Variants in ASH1L observed in about 807,000 individuals in gnomAD.
ASH1L encodes ASH1 like histone lysine methyltransferase.
In ASH1L, 23 loss-of-function variants were observed where a neutral mutation model predicts 269.0. The observed-to-expected ratio is 0.09, with a 90% confidence interval of 0.06 to 0.12. The LOEUF is 0.12. ASH1L is among the 10% of genes least tolerant of loss of function. The probability of loss-of-function intolerance (pLI) is 1.00; values close to 1 mark genes in which losing one functional copy is unlikely to be tolerated. For synonymous variants in ASH1L, 1,187 were observed against 1,253.5 expected (o/e 0.95, Z 1.12); for missense variants, 2,912 against 3,567.8 (o/e 0.82, Z 4.68).
chr1:155,469,344 G>A (rs575184718), intron 3 of ASH1L, among the ~76,000 whole-genome samples: 3 of 151,856 alleles, frequency 2.0e-5, no homozygotes, highest in Admixed American at 6.6e-5. Context: ...CACCACGTCC[G>A]GCTATTATTT....
At chr1:155,348,832 G>C (rs540762310) in intron 19 of ASH1L, among the ~76,000 whole-genome samples, 1 of 150,726 alleles carries the variant, frequency 6.6e-6, no homozygotes, top group East Asian at 2.0e-4. Flanking sequence ...AGTGAGCTGA[G>C]ATCACGCTAT....
intron 13 of ASH1L, among the ~76,000 whole-genome samples, chr1:155,359,997 A>G (rs1489801790): frequency 6.6e-6 from 1 of 151,900 alleles, no homozygotes; most frequent in African/African-American, 2.4e-5. Flanking sequence ...GGTTGAAGCA[A>G]TTCTCCTGCC....
intron 1 of ASH1L, among the ~76,000 whole-genome samples, chr1:155,551,517 G>A (rs945047384): frequency 8.0e-5 from 12 of 150,320 alleles, no homozygotes; most frequent in African/African-American, 2.0e-4. Flanking sequence ...AAAATTAGCC[G>A]GGCGTAGTGG....
At chr1:155,551,707 C>T (rs894547214) in intron 1 of ASH1L, among the ~76,000 whole-genome samples, 2 of 147,018 alleles carry the variant, frequency 1.4e-5, no homozygotes, top group African/African-American at 5.0e-5. Context: ...TGTTGGCTCA[C>T]ACCTGTAATC....
At chr1:155,535,093 G>A (rs778740873) in intron 1 of ASH1L, among the ~76,000 whole-genome samples, 22 of 152,032 alleles carry the variant, frequency 1.4e-4, no homozygotes, top group Non-Finnish European at 2.5e-4. Context: ...GGAGGCTGAG[G>A]CAGGAGAATC....
In ASH1L at chr1:155,478,294, C is replaced by G; in HGVS notation, c.4576G>C (p.Glu1526Gln). ...TGCTTTTCCTTATGCTTATATCGCT[C>G]TCCAACAGCATCCTTTCCAAATCTA... ...RYRFGKDAVG[E>Q]RYKHKEKHRC... Residue 1526 changes from glutamate to glutamine, a missense_variant, in exon 3 of 28, where the codon GAG becomes CAG. Glu to Gln is a conservative substitution (Grantham distance 29, BLOSUM62 2). Around this residue, in one of 13 missense-constraint regions of ASH1L, gnomAD observed 789 missense variants for 897.6 expected, o/e 0.88. Transcript: ENST00000392403. This position sits in a 1 kb window ranked among gnomAD's most constrained non-coding sequence, Gnocchi z 4.6. The G allele has an allele frequency of 6.2e-7, 1 of 1,614,092 alleles. No homozygotes were observed. Among genetic ancestry groups the G allele is most frequent in the Non-Finnish European group, 8.5e-7 (1 of 1,180,030 alleles).
At position 155,337,684 on chromosome 1, in the gene ASH1L, G is replaced by C; in HGVS notation, c.8871C>G (p.Ile2957Met). 2 of 1,613,902 alleles carry C rather than the reference G, an allele frequency of 1.2e-6. No homozygotes were observed. The highest frequency in any genetic ancestry group is 1.7e-5 in the Admixed American group (1 of 60,010). The part of the protein sequence containing the change: ...GRKLRRRTLF[I>M]PENSFRK Reference sequence around the variant, plus strand: ...GTCACTTTCGAAAGCTGTTTTCTGGGATAAACAAAGTACGCCTTCGCAGTT... The same window carrying C: ...GTCACTTTCGAAAGCTGTTTTCTGGCATAAACAAAGTACGCCTTCGCAGTT... Residue 2957 changes from isoleucine to methionine, a missense_variant, in exon 28 of 28, where the codon ATC becomes ATG. Ile to Met is a conservative substitution (Grantham distance 10). This residue lies in a region of ASH1L where 154 missense variants were observed against 165.0 expected (regional missense o/e 0.93). Coordinates refer to ENST00000392403, the MANE Select transcript of ASH1L (RefSeq NM_018489.3).
At position 155,364,785 on chromosome 1, in the gene ASH1L, C is replaced by CA. The variant is rs545104267; in HGVS notation, c.6687-4377dup. On this transcript the variant is annotated intron_variant, in intron 12 of 27. Coordinates refer to ENST00000392403, the MANE Select transcript of ASH1L (RefSeq NM_018489.3). ...CACAACCCTGTCTCTACAAAAAATA[C>CA]AAAAAAATTAACCAGGCATGGTGGT... Among the ~76,000 whole-genome samples, 4 of 151,754 alleles carry CA rather than the reference C, an allele frequency of 2.6e-5. No homozygotes were observed. In the South Asian group the frequency reaches 6.3e-4, roughly 24 times the overall value.
rs867062679 is a variant in ASH1L at position 155,512,470 on chromosome 1, G to A, written c.420+8630C>T. Among the ~76,000 whole-genome samples the A allele has an allele frequency of 1.5e-4, 3 of 19,898 alleles. No individual in the cohort carries two copies. The East Asian group carries it at 9.9e-3, about 66-fold the overall frequency. The allele number at this position is 19,898 out of a possible 152,430, so 13.1% of individuals were successfully genotyped here. ...AGACTTTTTTTTTTTTTTTTTTTTTGAGATGGAGTCTCACTCTGTGACTCA... is the reference window on the plus strand; with the variant it reads ...AGACTTTTTTTTTTTTTTTTTTTTTAAGATGGAGTCTCACTCTGTGACTCA... On this transcript the variant is annotated intron_variant, in intron 2 of 27. Coordinates refer to ENST00000392403, the MANE Select transcript of ASH1L (RefSeq NM_018489.3).
At chr1:155,502,071 C>CTTTTTT (rs769262562) in intron 2 of ASH1L, among the ~76,000 whole-genome samples, 26 of 126,390 alleles carry the variant, frequency 2.1e-4, no homozygotes, top group African/African-American at 4.1e-4. Context: ...CTTTTCTTTT[C>CTTTTTT]TTTTTTTTTT....
chr1:155,529,033 T>C (rs1345537690), intron 1 of ASH1L, among the ~76,000 whole-genome samples: 2 of 145,970 alleles, frequency 1.4e-5, no homozygotes, highest in Admixed American at 6.7e-5. Flanking sequence ...CATGATCTCA[T>C]TTTTTTTTTG....
chr1:155,349,244 G>C (rs1449833186), intron 19 of ASH1L, 83 bp downstream of exon 19: 3 of 1,474,948 alleles, frequency 2.0e-6, no homozygotes, highest in East Asian at 2.3e-5. Flanking sequence ...ATGGCTGATA[G>C]AGGAGGGTAA....
intron 5 of ASH1L, among the ~76,000 whole-genome samples, chr1:155,423,478 G>A (rs1013426525): frequency 6.6e-6 from 1 of 151,904 alleles, no homozygotes; most frequent in Non-Finnish European, 1.5e-5. Context: ...CTGACGTCGG[G>A]GAATTGCTGG....
intron 16 of ASH1L, among the ~76,000 whole-genome samples, chr1:155,354,255 C>T (rs1203139553): frequency 1.3e-5 from 2 of 152,152 alleles, no homozygotes; most frequent in East Asian, 3.9e-4. Context: ...CCAGCCTGGC[C>T]AACATGGCAA....
At chr1:155,487,184 A>C (rs1044014531) in intron 2 of ASH1L, among the ~76,000 whole-genome samples, 4 of 152,188 alleles carry the variant, frequency 2.6e-5, no homozygotes, top group African/African-American at 4.8e-5. Context: ...ACAAACATAC[A>C]AAAAGCCTCA....
At position 155,343,944 on chromosome 1, in the gene ASH1L, A is replaced by G. The variant is rs142414134; in HGVS notation, c.7982-202T>C. Among the ~76,000 whole-genome samples the G allele has an allele frequency of 2.6e-3, 396 of 152,306 alleles. 4 individuals are homozygous for G. The highest frequency in any genetic ancestry group is 9.3e-3 in the African/African-American group (388 of 41,554). On this transcript the variant is annotated intron_variant, in intron 22 of 27. Transcript: ENST00000392403. The surrounding 1 kb of genome is among the most constrained non-coding windows in gnomAD (Gnocchi z 6.1). Reference sequence around the variant, plus strand: ...TATAAGGGAGGCATTCCATTTCTTGAGCTTCCTATATGTTTTTCCCAGTCT... The same window carrying G: ...TATAAGGGAGGCATTCCATTTCTTGGGCTTCCTATATGTTTTTCCCAGTCT...
chr1:155,438,369 T>G lies in ASH1L; in HGVS notation c.5786A>C (p.Gln1929Pro), dbSNP rs1395890142. The change falls in exon 5 of 28, where the codon CAG (glutamine) becomes CCG (proline). Residue 1929 changes from glutamine to proline, a missense_variant. By Grantham distance (76) the Gln-to-Pro change is moderately conservative. Coordinates refer to ENST00000392403, the MANE Select transcript of ASH1L (RefSeq NM_018489.3). Reference sequence around the variant, plus strand: ...CTCTTCTTCCTCTGGTAATGGCTTCTGCTTTTTTCTGGTCTGTTCTTCCAA... The same window carrying G: ...CTCTTCTTCCTCTGGTAATGGCTTCGGCTTTTTTCTGGTCTGTTCTTCCAA... ...WLLEEQTRKKQKPLPEEEEQE... is the reference protein window; with the variant it reads ...WLLEEQTRKKPKPLPEEEEQE... 7 of 1,591,660 alleles carry G rather than the reference T, an allele frequency of 4.4e-6. No individual in the cohort carries two copies. The highest frequency in any genetic ancestry group is 6.0e-6 in the Non-Finnish European group (7 of 1,172,590).
In ASH1L at chr1:155,370,949, G is replaced by A; in HGVS notation, c.6367C>T (p.Pro2123Ser). 1 of 1,614,024 alleles carries A rather than the reference G, an allele frequency of 6.2e-7. No homozygotes were observed. Residue 2123 changes from proline to serine, a missense_variant, in exon 11 of 28, where the codon CCA becomes TCA. Around this residue, in one of 13 missense-constraint regions of ASH1L, gnomAD observed 193 missense variants for 311.6 expected, o/e 0.62. Coordinates refer to ENST00000392403, the MANE Select transcript of ASH1L (RefSeq NM_018489.3). ...IFAECSPNTC[P>S]CGEQCCNQRI... ...TGGTTACAGCATTGCTCGCCACATGGGCAAGTGTTGGGGGAACACTCAGCA... is the reference window on the plus strand; with the variant it reads ...TGGTTACAGCATTGCTCGCCACATGAGCAAGTGTTGGGGGAACACTCAGCA...
At chr1:155,465,308 AAAAAC>A (rs1225958260) in intron 3 of ASH1L, among the ~76,000 whole-genome samples, 98 of 151,288 alleles carry the variant, frequency 6.5e-4, no homozygotes, top group Non-Finnish European at 1.3e-3. Flanking sequence ...AAAAAAAAAA[AAAAAC>A]AGTGAATTAA....
Sources: gnomAD v4.1 joint callset for allele counts (sites outside exome capture counted in the v4.1 genomes callset) on GRCh38, gnomAD v4.1.1 for gene constraint, gnomAD v4.1.1 regional missense constraint, Gnocchi (gnomAD v3.1) non-coding constraint, MANE v1.5 for transcripts, NCBI Gene and HGNC (gene_info 2026-07-23, HGNC 2026-07-21) for gene names.